The following NCALD variants were observed in gnomAD, a reference collection of about 807,000 sequenced individuals.
NCALD encodes the protein neurocalcin delta, also known as neurocalcin-delta.
In NCALD, 10 loss-of-function variants were observed where a neutral mutation model predicts 18.6. That is an observed-to-expected ratio of 0.54 (90% confidence interval 0.33 to 0.91). NCALD has a LOEUF of 0.91. NCALD is among the 40% of genes least tolerant of loss of function. NCALD has a pLI of 0.03. For synonymous variants in NCALD, 88 were observed against 87.4 expected (o/e 1.01, Z -0.04); for missense variants, 184 against 247.6 (o/e 0.74, Z 1.72).
intron 1 of NCALD, among the ~76,000 whole-genome samples, chr8:102,023,712 A>G (rs578185121): frequency 6.6e-6 from 1 of 152,344 alleles, no homozygotes; most frequent in South Asian, 2.1e-4. Flanking sequence ...TCCGAGACCA[A>G]GGATTTGCCA....
chr8:101,937,549 T>C (rs1353799767), intron 2 of NCALD, among the ~76,000 whole-genome samples: 1 of 152,234 alleles, frequency 6.6e-6, no homozygotes. Context: ...TAGTATCCCA[T>C]GGTGTATCAC....
intron 4 of NCALD, among the ~76,000 whole-genome samples, chr8:101,819,294 T>C (rs1813625875): frequency 6.6e-6 from 1 of 150,818 alleles, no homozygotes; most frequent in Non-Finnish European, 1.5e-5. Flanking sequence ...TTTATTTATT[T>C]ATTTATTTAT....
At chr8:101,810,296 C>T (rs751641840) in intron 4 of NCALD, among the ~76,000 whole-genome samples, 3 of 152,046 alleles carry the variant, frequency 2.0e-5, no homozygotes, top group Admixed American at 6.6e-5. Context: ...TGTAAGTTGG[C>T]AATATTTGTA....
chr8:101,974,304 T>A (rs1465465196), intron 2 of NCALD, among the ~76,000 whole-genome samples: 1 of 152,180 alleles, frequency 6.6e-6, no homozygotes, highest in Non-Finnish European at 1.5e-5. Flanking sequence ...TTTTATGATC[T>A]TTGATATATA....
At chr8:101,815,718 T>C (rs1813471127) in intron 4 of NCALD, among the ~76,000 whole-genome samples, 2 of 152,178 alleles carry the variant, frequency 1.3e-5, no homozygotes, top group Admixed American at 6.6e-5. Context: ...GTACAGCCAC[T>C]TTGGAAGACA....
chr8:101,984,036 G>A (rs571319907), intron 2 of NCALD, among the ~76,000 whole-genome samples: 1 of 152,128 alleles, frequency 6.6e-6, no homozygotes, highest in African/African-American at 2.4e-5. Flanking sequence ...TTTCCTGCCT[G>A]GACCCTGTGA....
intron 2 of NCALD, among the ~76,000 whole-genome samples, chr8:101,948,315 TGAA>T (rs1586807670): frequency 6.6e-6 from 1 of 151,928 alleles, no homozygotes; most frequent in Non-Finnish European, 1.5e-5. Context: ...ATATAGGAGG[TGAA>T]GAAGAAGGAG....
At position 102,112,795 on chromosome 8, in the gene NCALD, CT is replaced by C. The variant is rs371646571; in HGVS notation, c.-210+11441del. On this transcript the variant is annotated intron_variant, in intron 1 of 6. Coordinates refer to the NCALD transcript ENST00000311028. Reference sequence around the variant, plus strand: ...GGAGGGAGGTAAGTGAGTTCTCACTCTATTAGTTCAGTGGAGAGCTGATTAT... The same window carrying C: ...GGAGGGAGGTAAGTGAGTTCTCACTCATTAGTTCAGTGGAGAGCTGATTAT... Among the ~76,000 whole-genome samples, 281 of 152,170 alleles carry C rather than the reference CT, an allele frequency of 1.8e-3. 1 individual carries two copies. Among genetic ancestry groups the C allele is most frequent in the Non-Finnish European group, 2.9e-3 (197 of 68,006 alleles).
chr8:101,919,204 A>G (rs1353992865), intron 2 of NCALD, among the ~76,000 whole-genome samples: 2 of 152,204 alleles, frequency 1.3e-5, no homozygotes, highest in Non-Finnish European at 2.9e-5. Context: ...GGAACAGAAT[A>G]GAGAACACAG....
intron 3 of NCALD, among the ~76,000 whole-genome samples, chr8:101,914,623 A>G (rs1441446798): frequency 6.6e-6 from 1 of 152,196 alleles, no homozygotes; most frequent in Non-Finnish European, 1.5e-5. Flanking sequence ...ATATCAGTAT[A>G]GATATGTATT....
intron 1 of NCALD, among the ~76,000 whole-genome samples, chr8:102,070,735 C>T (rs923854528): frequency 5.3e-5 from 8 of 152,296 alleles, no homozygotes; most frequent in Non-Finnish European, 7.4e-5. Flanking sequence ...TGTCCAATCA[C>T]TTATTTTCCT....
At chr8:101,709,199 C>T (rs1382980398) in intron 2 of NCALD, among the ~76,000 whole-genome samples, 1 of 152,166 alleles carries the variant, frequency 6.6e-6, no homozygotes, top group Non-Finnish European at 1.5e-5. Context: ...TGGGTACGCC[C>T]TACGTAAATG....
At chr8:101,717,599 GAT>G (rs1563689803) in intron 2 of NCALD, among the ~76,000 whole-genome samples, 1 of 152,148 alleles carries the variant, frequency 6.6e-6, no homozygotes, top group East Asian at 1.9e-4. Flanking sequence ...CTTTCTAAGA[GAT>G]ATTTAGAAAG....
chr8:102,094,290 A>G (rs944335144), intron 1 of NCALD, among the ~76,000 whole-genome samples: 2 of 152,234 alleles, frequency 1.3e-5, no homozygotes, highest in African/African-American at 2.4e-5. Flanking sequence ...AATAGCATTA[A>G]ATGAGCACTT....
chr8:101,880,322 C>T (rs1292988633), intron 4 of NCALD, among the ~76,000 whole-genome samples: 2 of 152,214 alleles, frequency 1.3e-5, no homozygotes, highest in African/African-American at 2.4e-5. Flanking sequence ...GAGCCCACGC[C>T]CACCCAGAAC....
intron 2 of NCALD, among the ~76,000 whole-genome samples, chr8:101,973,069 A>G (rs1397874732): frequency 6.6e-6 from 1 of 152,192 alleles, no homozygotes; most frequent in Non-Finnish European, 1.5e-5. Flanking sequence ...GGGCAGTGAT[A>G]TGGATGGGGC....
chr8:101,996,440 T>C (rs1286126577), intron 2 of NCALD, among the ~76,000 whole-genome samples: 1 of 152,254 alleles, frequency 6.6e-6, no homozygotes, highest in Admixed American at 6.5e-5. Context: ...GGACATGATC[T>C]GGGTTCCTAC....
intron 1 of NCALD, among the ~76,000 whole-genome samples, chr8:101,754,904 A>G (rs1810812478): frequency 1.3e-5 from 2 of 152,330 alleles, no homozygotes; most frequent in East Asian, 1.9e-4. Flanking sequence ...CAATCAGTCA[A>G]AAAATAAATG....
intron 2 of NCALD, among the ~76,000 whole-genome samples, chr8:102,003,195 G>A (rs1821547603): frequency 6.6e-6 from 1 of 152,084 alleles, no homozygotes; most frequent in African/African-American, 2.4e-5. Context: ...TGATAAAGGG[G>A]ATATCACCAC....
Sources: allele counts gnomAD v4.1 joint callset (sites outside exome capture counted in the v4.1 genomes callset), GRCh38; gene constraint gnomAD v4.1.1; transcripts MANE v1.5; gene names NCBI Gene and HGNC (gene_info 2026-07-23, HGNC 2026-07-21).